CCP110: variants seen among roughly 807,000 people sequenced by gnomAD.
The protein encoded by CCP110 is centriolar coiled-coil protein 110.
CCP110 carries 43 observed loss-of-function variants against 105.5 expected under a neutral mutation model. The observed-to-expected ratio is 0.41, with a 90% CI of 0.32 to 0.53. The LOEUF (loss-of-function observed/expected upper bound fraction) is 0.53. CCP110 is among the 20% of genes least tolerant of loss of function. The probability of loss-of-function intolerance (pLI) is 0.32; values close to 1 mark genes in which losing one functional copy is unlikely to be tolerated. For synonymous variants in CCP110, 353 were observed against 392.1 expected (o/e 0.90, Z 1.18); for missense variants, 1,016 against 1,189.1 (o/e 0.85, Z 2.14).
exon 4 of CCP110, chr16:19,536,225 G>A: frequency 1.2e-6 from 2 of 1,614,008 alleles, no homozygotes; most frequent in Non-Finnish European, 1.7e-6. Flanking sequence ...AGAAAATGAA[G>A]CTTTTCCAAA....
At chr16:19,545,306 ATAATTCT>A in intron 10 of CCP110, 96 bp downstream of exon 10, 1 of 586,880 alleles carries the variant, frequency 1.7e-6, no homozygotes, top group Non-Finnish European at 3.0e-6. Context: ...CCTTCTTCTG[ATAATTCT>A]TAAGCACAAG....
Position 19,543,719 on chromosome 16 carries a change from C to T in CCP110, c.2484+725C>T, listed in dbSNP as rs184454580. The stretch of plus-strand genomic sequence containing the variant: ...GCATCCCTGGGGGGAGGTATATAAA[C>T]GGCCACTCTGGGAGTATCTGTCTTA... On this transcript the variant is annotated intron_variant, in intron 8 of 14. Coordinates refer to ENST00000381396, the Ensembl canonical transcript of CCP110. 2.2e-3 allele frequency among the ~76,000 whole-genome samples: 340 copies of T among 152,160 alleles called. 3 individuals carry two copies. The highest frequency in any genetic ancestry group is 0.01 in the Middle Eastern group (3 of 294).
intron 3 of CCP110, among the ~76,000 whole-genome samples, chr16:19,534,005 C>CA (rs1355965602): frequency 6.6e-6 from 1 of 152,084 alleles, no homozygotes; most frequent in Non-Finnish European, 1.5e-5. Context: ...AGAAAGAGAA[C>CA]AATCTAGACG....
At chr16:19,540,596 A>G (rs1970241999) in intron 4 of CCP110, 61 bp from the exon 5 acceptor site, 2 of 1,366,434 alleles carry the variant, frequency 1.5e-6, no homozygotes, top group South Asian at 1.2e-5. Flanking sequence ...AATTGATGGT[A>G]TAAAATATCA....
chr16:19,536,074 T>C (rs1294524495), exon 4 of CCP110: 1 of 1,613,998 alleles, frequency 6.2e-7, no homozygotes, highest in African/African-American at 1.3e-5. Context: ...AACACTCTAC[T>C]GCAGCAAAGC....
chr16:19,550,116 T>C (rs1408139351), intron 14 of CCP110, among the ~76,000 whole-genome samples: 1 of 152,052 alleles, frequency 6.6e-6, no homozygotes, highest in Non-Finnish European at 1.5e-5. Flanking sequence ...TATACATGAG[T>C]GCATATTTAG....
chr16:19,528,012 T>C, exon 2 of CCP110: 3 of 1,606,642 alleles, frequency 1.9e-6, no homozygotes, highest in Non-Finnish European at 2.5e-6. Context: ...GTGGCTATCC[T>C]TTCTCCACTG....
intron 1 of CCP110, chr16:19,526,467 T>A (rs1020161292): frequency 3.9e-5 from 6 of 152,200 alleles, no homozygotes; most frequent in African/African-American, 1.4e-4. Context: ...TGTTTTTACT[T>A]TTGCTTTTTT....
chr16:19,546,280 C>T (rs552918337), intron 11 of CCP110, 132 bp from the exon 12 acceptor site: 1 of 604,710 alleles, frequency 1.7e-6, no homozygotes, highest in African/African-American at 1.9e-5. Context: ...CTTTAATATG[C>T]TTAGTACAGG....
chr16:19,532,599 A>G (rs1969913982), intron 3 of CCP110, 55 bp downstream of exon 3: 1 of 1,432,856 alleles, frequency 7.0e-7, no homozygotes, highest in East Asian at 2.4e-5. Context: ...ATAAGCGTTG[A>G]TGATAATTTT....
chr16:19,541,293 TG>T (rs1263134273), intron 5 of CCP110, among the ~76,000 whole-genome samples: 1 of 150,592 alleles, frequency 6.6e-6, no homozygotes, highest in Admixed American at 6.6e-5. Context: ...GAACGACACT[TG>T]TTATAATATT....
chr16:19,541,873 C>G lies in CCP110; in HGVS notation c.2050-14C>G, dbSNP rs573124589. The G allele has an allele frequency of 5.3e-6, 8 of 1,517,678 alleles. No homozygotes were observed. Among genetic ancestry groups the G allele is most frequent in the Non-Finnish European group, 7.1e-6 (8 of 1,126,804 alleles). 94.0% of individuals were successfully genotyped at this position (1,517,678 alleles called of 1,614,324 possible). A position where few individuals can be genotyped will look rare whatever the true frequency, so the allele number is the denominator to read the frequency against. ...AAAAGGTTTAGCATGTTACAATAAA[C>G]TGTTCATGTATAGGAAATAGAAGAG... is the stretch of plus-strand genomic sequence containing the variant. On this transcript the variant is annotated splice_polypyrimidine_tract_variant and intron_variant, in intron 5 of 14. Transcript: ENST00000381396.
At chr16:19,552,100 A>T (rs1420115237) in exon 15 of CCP110, 1 of 152,144 alleles carries the variant, frequency 6.6e-6, no homozygotes, top group Non-Finnish European at 1.5e-5. Context: ...TTTTTCTAGC[A>T]TGCTTGATTT....
chr16:19,546,508 T>C, intron 12 of CCP110, 34 bp downstream of exon 12: 1 of 1,351,302 alleles, frequency 7.4e-7, no homozygotes, highest in Non-Finnish European at 1.0e-6. Flanking sequence ...ATGAGAGGCT[T>C]TTTGTTTTTT....
At chr16:19,541,113 G>A (rs1970260771) in intron 5 of CCP110, among the ~76,000 whole-genome samples, 1 of 151,968 alleles carries the variant, frequency 6.6e-6, no homozygotes, top group Non-Finnish European at 1.5e-5. Context: ...CATGCTGGGC[G>A]TGGTATCATG....
intron 1 of CCP110, chr16:19,526,336 T>C (rs1231286979): frequency 2.0e-5 from 3 of 152,248 alleles, no homozygotes; most frequent in African/African-American, 4.8e-5. Flanking sequence ...ATTTACATTC[T>C]GTGTATTGCT....
At position 19,548,593 on chromosome 16, in the gene CCP110, T is replaced by G. The variant is rs1001011082; in HGVS notation, c.2979T>G (p.Pro993=). 1.3e-6 allele frequency: 2 copies of G among 1,545,776 alleles called. No homozygotes were observed. The highest frequency in any genetic ancestry group is 8.7e-7 in the Non-Finnish European group (1 of 1,143,594). Residue 993 remains proline (P), a synonymous_variant, in exon 14 of 15, where the codon CCT becomes CCG. Transcript: ENST00000381396. This position sits in a 1 kb window ranked among gnomAD's most constrained non-coding sequence, Gnocchi z 4.1. ...AGAGCAGAGTGCCTAACAGAGTGCC[T>G]GTTTCAGGTTTGTAGAAAATAAATT...
chr16:19,551,754 A>G (rs1352557851), exon 15 of CCP110: 2 of 152,076 alleles, frequency 1.3e-5, no homozygotes. Context: ...ACTTTCTTTG[A>G]CTTACAGTAT....
At chr16:19,527,953 C>T (rs935966469) in exon 2 of CCP110, 1 of 1,613,550 alleles carries the variant, frequency 6.2e-7, no homozygotes, top group Non-Finnish European at 8.5e-7. Context: ...CCACAGAGAG[C>T]TTTCTCCCTG....
Sources: allele counts gnomAD v4.1 joint callset (sites outside exome capture counted in the v4.1 genomes callset), GRCh38; gene constraint gnomAD v4.1.1; non-coding constraint Gnocchi (gnomAD v3.1); transcripts MANE v1.5; gene names NCBI Gene and HGNC (gene_info 2026-07-23, HGNC 2026-07-21).